The following PTPRT variants were observed in gnomAD, a reference collection of about 807,000 sequenced individuals.
PTPRT encodes protein tyrosine phosphatase receptor type T.
PTPRT carries 56 observed loss-of-function variants against 176.8 expected under a neutral mutation model. That is an observed-to-expected ratio of 0.32 (90% CI 0.26 to 0.40). The LOEUF is 0.40. Among genes scored for constraint, PTPRT ranks in the 10% least tolerant of loss-of-function variants. PTPRT has a pLI of 1.00. For synonymous variants in PTPRT, 783 were observed against 739.0 expected (o/e 1.06, Z -0.96); for missense variants, 1,540 against 1,908.2 (o/e 0.81, Z 3.60).
chr20:42,613,582 G>A (rs1456924779), intron 7 of PTPRT, among the ~76,000 whole-genome samples: 4 of 152,194 alleles, frequency 2.6e-5, no homozygotes, highest in African/African-American at 9.7e-5. Flanking sequence ...GATCTAAGTT[G>A]CAGATCTAAT....
At chr20:42,113,137 A>C (rs1219659420) in intron 22 of PTPRT, among the ~76,000 whole-genome samples, 1 of 152,282 alleles carries the variant, frequency 6.6e-6, no homozygotes, top group East Asian at 1.9e-4. Flanking sequence ...TGCTGTGGAG[A>C]GGCTGGCTAA....
At chr20:43,024,830 A>C (rs1268126060) in intron 1 of PTPRT, among the ~76,000 whole-genome samples, 1 of 152,058 alleles carries the variant, frequency 6.6e-6, no homozygotes, top group Non-Finnish European at 1.5e-5. Context: ...TCACAACCTC[A>C]CAGCTGCCAA....
downstream of PTPRT, among the ~76,000 whole-genome samples, chr20:42,070,384 C>A (rs1254225970): frequency 6.6e-6 from 1 of 151,686 alleles, no homozygotes; most frequent in African/African-American, 2.4e-5. Flanking sequence ...GGCTAGGATC[C>A]ACCTGGACAG....
intron 2 of PTPRT, among the ~76,000 whole-genome samples, chr20:42,829,601 G>A (rs966560065): frequency 1.4e-4 from 22 of 152,282 alleles, no homozygotes; most frequent in African/African-American, 5.3e-4. Context: ...GGTGGCACAT[G>A]CCTGTAATCA....
intron 16 of PTPRT, among the ~76,000 whole-genome samples, chr20:42,180,780 C>T (rs6102707): frequency 0.029 from 4,417 of 152,256 alleles, 218 homozygotes; most frequent in African/African-American, 0.1. Flanking sequence ...TTTTAAGACA[C>T]CACTGTCCCA....
chr20:42,667,559 A>C lies in PTPRT; in HGVS notation c.1153+10307T>G, dbSNP rs539264567. ...TTTTTAAAAATCCAGAGAGCTTGAT[A>C]AACACTGTTAGCTTTTACTATCTTT... On this transcript the variant is annotated intron_variant, in intron 7 of 30. Coordinates refer to ENST00000373187, the MANE Select transcript of PTPRT (RefSeq NM_007050.6). 2.0e-5 allele frequency among the ~76,000 whole-genome samples: 3 copies of C among 152,348 alleles called. No individual in the cohort carries two copies. In the South Asian group the frequency reaches 6.2e-4, roughly 32 times the overall value.
In PTPRT at chr20:42,444,146, G is replaced by A. The variant is rs111760990; in HGVS notation, c.1560+4074C>T. ...CATCACTGTCCTCTGTGCTCAGGAG[G>A]CCCCAGTCACTCCGGTCTCCTTTTT... is the stretch of plus-strand genomic sequence containing the variant. On this transcript the variant is annotated intron_variant, in intron 9 of 30. Transcript: ENST00000373187. Among the ~76,000 whole-genome samples, 1,169 of 152,216 alleles carry A rather than the reference G, an allele frequency of 7.7e-3. 15 individuals carry two copies. The highest frequency in any genetic ancestry group is 0.027 in the African/African-American group (1,109 of 41,526).
At chr20:42,473,580 A>G (rs1202259067) in intron 7 of PTPRT, among the ~76,000 whole-genome samples, 1 of 152,102 alleles carries the variant, frequency 6.6e-6, no homozygotes, top group Non-Finnish European at 1.5e-5. Flanking sequence ...GGCTCAAGCA[A>G]TCATGATCCT....
intron 1 of PTPRT, among the ~76,000 whole-genome samples, chr20:42,992,312 T>C (rs1568721742): frequency 2.0e-5 from 3 of 152,168 alleles, no homozygotes; most frequent in Non-Finnish European, 4.4e-5. Flanking sequence ...TCTAGACAAG[T>C]TGTTGTAGTT....
chr20:42,334,864 A>C (rs546511690), intron 11 of PTPRT, among the ~76,000 whole-genome samples: 9 of 152,368 alleles, frequency 5.9e-5, no homozygotes, highest in African/African-American at 2.2e-4. Context: ...AATGTAAGTG[A>C]ACTTCTAGTT....
chr20:42,448,190 C>A (rs771588838), intron 9 of PTPRT, 30 bp downstream of exon 9: 3 of 1,519,662 alleles, frequency 2.0e-6, no homozygotes, highest in Non-Finnish European at 2.7e-6. Flanking sequence ...AAAGCTAAGC[C>A]AATGGATGCA....
chr20:42,860,554 G>C (rs2078643772), intron 2 of PTPRT, among the ~76,000 whole-genome samples: 1 of 152,126 alleles, frequency 6.6e-6, no homozygotes, highest in African/African-American at 2.4e-5. Context: ...TGTTTTCCCA[G>C]TTTTGCTTTA....
At chr20:42,526,861 G>A (rs2072277538) in intron 7 of PTPRT, among the ~76,000 whole-genome samples, 1 of 148,986 alleles carries the variant, frequency 6.7e-6, no homozygotes, top group South Asian at 2.1e-4. Context: ...CATTGGTTGT[G>A]TACATTGCTT....
chr20:43,054,645 T>C (rs1376542832), intron 1 of PTPRT, among the ~76,000 whole-genome samples: 1 of 152,094 alleles, frequency 6.6e-6, no homozygotes, highest in Non-Finnish European at 1.5e-5. Context: ...TTCCTTCATT[T>C]CTATTTTCTG....
chr20:42,844,527 C>T (rs6016903), intron 2 of PTPRT, among the ~76,000 whole-genome samples: 9 of 152,114 alleles, frequency 5.9e-5, no homozygotes, highest in African/African-American at 2.2e-4. Context: ...TCTTCATGGT[C>T]CAGAAAGTCT....
intron 2 of PTPRT, among the ~76,000 whole-genome samples, chr20:42,794,777 C>T (rs1600749167): frequency 2.0e-5 from 3 of 150,374 alleles, no homozygotes. Context: ...AGCAGCAAGC[C>T]TTGGTGGTAA....
intron 13 of PTPRT, among the ~76,000 whole-genome samples, chr20:42,257,653 C>CCT (rs1555809827): frequency 1.0e-5 from 1 of 97,498 alleles, no homozygotes; most frequent in Non-Finnish European, 2.1e-5. Context: ...ACCCCCCCCC[C>CCT]CCCGCCCACT....
chr20:43,151,877 G>C (rs1040177993), intron 1 of PTPRT, among the ~76,000 whole-genome samples: 2 of 150,240 alleles, frequency 1.3e-5, no homozygotes, highest in African/African-American at 4.9e-5. Context: ...AAAAAAAAAA[G>C]AAACCAAGAA....
At chr20:43,166,960 T>G (rs776928355) in intron 1 of PTPRT, among the ~76,000 whole-genome samples, 7 of 152,196 alleles carry the variant, frequency 4.6e-5, no homozygotes, top group Non-Finnish European at 7.3e-5. Context: ...AATCCCAGTT[T>G]CCAGTGTCCT....
Sources: gnomAD v4.1 joint callset for allele counts (sites outside exome capture counted in the v4.1 genomes callset) on GRCh38, gnomAD v4.1.1 for gene constraint, MANE v1.5 for transcripts, NCBI Gene and HGNC (gene_info 2026-07-23, HGNC 2026-07-21) for gene names.